Variants in ANXA6 observed in about 807,000 individuals in gnomAD.
ANXA6 encodes annexin A6.
A neutral mutation model predicts 95.4 loss-of-function variants in ANXA6; 71 were observed. That is an observed-to-expected ratio of 0.74 (90% confidence interval 0.61 to 0.91). The LOEUF is 0.91. Ranked by LOEUF, ANXA6 falls within the 40% of genes least tolerant of loss-of-function variation. ANXA6 has a pLI of 0.00. For synonymous variants in ANXA6, 289 were observed against 315.9 expected, an observed-to-expected ratio of 0.91 and a Z score of 0.90; for missense variants, 830 against 876.4, an observed-to-expected ratio of 0.95 and a Z score of 0.67.
intron 13 of ANXA6, 112 bp downstream of exon 13, chr5:151,128,069 C>A: frequency 2.1e-6 from 2 of 950,256 alleles, no homozygotes; most frequent in Non-Finnish European, 1.6e-6. Flanking sequence ...ACGCTCCTGG[C>A]TCAGGGGAAT....
chr5:151,109,006 T>C (rs1346931705), intron 22 of ANXA6, among the ~76,000 whole-genome samples: 2 of 152,176 alleles, frequency 1.3e-5, no homozygotes, highest in Non-Finnish European at 2.9e-5. Context: ...GCCAGTGCTT[T>C]ATGTGTGTTA....
At chr5:151,149,425 T>A (rs1265651063) in intron 1 of ANXA6, among the ~76,000 whole-genome samples, 1 of 152,108 alleles carries the variant, frequency 6.6e-6, no homozygotes, top group Non-Finnish European at 1.5e-5. Flanking sequence ...TTAACAATCT[T>A]CTTAAGAGAA....
At chr5:151,115,265 T>C (rs919015878) in intron 20 of ANXA6, among the ~76,000 whole-genome samples, 10 of 152,326 alleles carry the variant, frequency 6.6e-5, no homozygotes, top group African/African-American at 2.4e-4. Context: ...CTTATTACTA[T>C]TAGGTTATGG....
At chr5:151,144,498 T>C (rs903710030) in intron 2 of ANXA6, among the ~76,000 whole-genome samples, 2 of 152,024 alleles carry the variant, frequency 1.3e-5, no homozygotes, top group Non-Finnish European at 2.9e-5. Flanking sequence ...GCTAAAGTCA[T>C]GGGATTGTAA....
At chr5:151,122,749 G>A (rs766326763) in intron 16 of ANXA6, among the ~76,000 whole-genome samples, 168 bp downstream of exon 16, 2 of 152,200 alleles carry the variant, frequency 1.3e-5, no homozygotes, top group Non-Finnish European at 2.9e-5. Flanking sequence ...GGAAAGATAT[G>A]TCTGCCCAAA....
At position 151,132,457 on chromosome 5, in the gene ANXA6, A is replaced by ATGCAACGTCAGGACATACC. The variant is rs1561578572; in HGVS notation, c.736_736+18dup. ...CCAGAATCCCCTAAAGCCCCCAGGA[A>ATGCAACGTCAGGACATACC]TGCAACGTCAGGACATACCTACGGC... On this transcript the variant is annotated intron_variant, in intron 10 of 25. Coordinates refer to ENST00000354546, the MANE Select transcript of ANXA6 (RefSeq NM_001155.5). The ATGCAACGTCAGGACATACC allele has an allele frequency of 6.3e-7, 1 of 1,596,082 alleles. No individual in the cohort carries two copies. The highest frequency in any genetic ancestry group is 1.7e-4 in the Middle Eastern group (1 of 6,016).
intron 20 of ANXA6, among the ~76,000 whole-genome samples, chr5:151,113,575 G>T (rs929319196): frequency 2.0e-5 from 3 of 151,954 alleles, no homozygotes; most frequent in Non-Finnish European, 4.4e-5. Flanking sequence ...TCTCACTTAC[G>T]CGGGTCAGAG....
chr5:151,121,157 C>T (rs909010064), intron 17 of ANXA6, among the ~76,000 whole-genome samples: 3 of 152,192 alleles, frequency 2.0e-5, no homozygotes, highest in Non-Finnish European at 4.4e-5. Flanking sequence ...CGCAAGGGGC[C>T]AAAAGCACTA....
chr5:151,110,547 C>T lies in ANXA6; in HGVS notation c.1590+80G>A, dbSNP rs927782286. ...CACAGCAAGCTCCCAAATCACTGCTCGATACTGCCCCGCTCGGCCCAGTAA... is the reference window on the plus strand; with the variant it reads ...CACAGCAAGCTCCCAAATCACTGCTTGATACTGCCCCGCTCGGCCCAGTAA... On this transcript the variant is annotated intron_variant, in intron 21 of 25. Coordinates refer to ENST00000354546, the MANE Select transcript of ANXA6 (RefSeq NM_001155.5). 3.2e-5 allele frequency: 48 copies of T among 1,503,770 alleles called. No homozygotes were observed. In the Middle Eastern group the frequency reaches 5.1e-4, roughly 16 times the overall value. 93.2% of individuals were successfully genotyped at this position (1,503,770 alleles called of 1,614,324 possible).
chr5:151,148,144 C>A (rs533577310), intron 1 of ANXA6, among the ~76,000 whole-genome samples: 1 of 151,860 alleles, frequency 6.6e-6, no homozygotes, highest in Non-Finnish European at 1.5e-5. Flanking sequence ...GAAAGGGACG[C>A]GGATCCCCAA....
chr5:151,119,165 A>G, intron 18 of ANXA6, 135 bp downstream of exon 18: 2 of 711,108 alleles, frequency 2.8e-6, no homozygotes, highest in Non-Finnish European at 2.4e-6. Flanking sequence ...GGGCACACCC[A>G]AGAGGCTTAT....
chr5:151,157,541 G>C (rs774100026), intron 1 of ANXA6, 139 bp downstream of exon 1: 42 of 152,866 alleles, frequency 2.7e-4, no homozygotes, highest in Middle Eastern at 3.4e-3. Context: ...CGACACTCTC[G>C]GGTTACCGCG....
In ANXA6 at chr5:151,131,240, C is replaced by T; in HGVS notation, c.786G>A (p.Lys262=). 6.2e-7 allele frequency: 1 copy of T among 1,614,036 alleles called. No individual in the cohort carries two copies. Among genetic ancestry groups the T allele is most frequent in the Non-Finnish European group, 8.5e-7 (1 of 1,179,888 alleles). Residue 262 remains lysine, a synonymous_variant, in exon 11 of 26, where the codon AAG becomes AAA. Coordinates refer to ENST00000354546, the MANE Select transcript of ANXA6 (RefSeq NM_001155.5). ...TPEYFAERLF[K]AMKGLGTRDN... Reference sequence around the variant, plus strand: ...CAGCCCCACCACGCACCTTCATAGCCTTGAAGAGCCTTTCAGCAAAATATT... The same window carrying T: ...CAGCCCCACCACGCACCTTCATAGCTTTGAAGAGCCTTTCAGCAAAATATT...
At chr5:151,128,389 A>C in intron 12 of ANXA6, 150 bp from the exon 13 acceptor site, 1 of 654,902 alleles carries the variant, frequency 1.5e-6, no homozygotes, top group Non-Finnish European at 2.7e-6. Context: ...GTTAATATTG[A>C]ATAACTGGTT....
intron 20 of ANXA6, among the ~76,000 whole-genome samples, chr5:151,115,819 T>C (rs1190819577): frequency 6.6e-6 from 1 of 152,126 alleles, no homozygotes; most frequent in African/African-American, 2.4e-5. Flanking sequence ...AAAGCAAGGG[T>C]TGGACAACTG....
chr5:151,157,388 G>A (rs990256805), intron 1 of ANXA6, among the ~76,000 whole-genome samples: 1 of 151,746 alleles, frequency 6.6e-6, no homozygotes, highest in Non-Finnish European at 1.5e-5. Context: ...CCCTGGCTCA[G>A]CTCCGGCGCC....
intron 20 of ANXA6, among the ~76,000 whole-genome samples, chr5:151,116,055 C>T (rs988229554): frequency 6.6e-6 from 1 of 152,136 alleles, no homozygotes; most frequent in Non-Finnish European, 1.5e-5. Flanking sequence ...ATCTTGGCAT[C>T]GTTCTCAATA....
intron 23 of ANXA6, among the ~76,000 whole-genome samples, chr5:151,106,295 G>C (rs2113892839): frequency 6.6e-6 from 1 of 152,242 alleles, no homozygotes; most frequent in South Asian, 2.1e-4. Context: ...GCTTAAAAAG[G>C]AGGAACCAGA....
At chr5:151,103,915 C>T (rs1265460803) in intron 24 of ANXA6, among the ~76,000 whole-genome samples, 1 of 152,190 alleles carries the variant, frequency 6.6e-6, no homozygotes, top group Admixed American at 6.5e-5. Flanking sequence ...AATAGTGTCC[C>T]CATGTCCACC....
Sources: gnomAD v4.1 joint callset for allele counts (sites outside exome capture counted in the v4.1 genomes callset) on GRCh38, gnomAD v4.1.1 for gene constraint, MANE v1.5 for transcripts, NCBI Gene and HGNC (gene_info 2026-07-23, HGNC 2026-07-21) for gene names.